The following C12orf56 variants were observed in gnomAD, a reference collection of about 807,000 sequenced individuals.
The protein encoded by C12orf56 is uncharacterized protein C12orf56.
A neutral mutation model predicts 69.9 loss-of-function variants in C12orf56; 71 were observed. The ratio of observed to expected loss-of-function variants is 1.02; its 90% CI spans 0.84 to 1.24. The LOEUF (loss-of-function observed/expected upper bound fraction) is 1.24, where lower values mean the gene tolerates loss of function less well. Ranked by LOEUF, C12orf56 falls within the 50% of genes most tolerant of loss-of-function variation. The pLI is 0.00. For synonymous variants in C12orf56, 276 were observed against 274.1 expected, an observed-to-expected ratio of 1.01 and a Z score of -0.07; for missense variants, 732 against 738.5, an observed-to-expected ratio of 0.99 and a Z score of 0.10.
chr12:64,385,449 T>G (rs1384881594), intron 1 of C12orf56, among the ~76,000 whole-genome samples: 2 of 152,174 alleles, frequency 1.3e-5, no homozygotes, highest in Non-Finnish European at 2.9e-5. Flanking sequence ...GTGACATATG[T>G]CAGGAACTAG....
chr12:64,317,534 CG>C (rs1459758754), intron 4 of C12orf56, among the ~76,000 whole-genome samples: 1 of 151,954 alleles, frequency 6.6e-6, no homozygotes, highest in African/African-American at 2.4e-5. Flanking sequence ...CCGAGGTGGG[CG>C]GATCACCTGA....
At chr12:64,343,431 C>A (rs1293286415) in intron 2 of C12orf56, among the ~76,000 whole-genome samples, 1 of 152,148 alleles carries the variant, frequency 6.6e-6, no homozygotes, top group Non-Finnish European at 1.5e-5. Flanking sequence ...AGTTGCTATA[C>A]CCCTGAGGTA....
chr12:64,271,868 T>G (rs1299312371), intron 11 of C12orf56, among the ~76,000 whole-genome samples: 10 of 152,212 alleles, frequency 6.6e-5, no homozygotes, highest in Admixed American at 6.5e-4. Flanking sequence ...GACATGCAGG[T>G]GCATAGCAAT....
chr12:64,316,175 G>A (rs938530918), intron 4 of C12orf56, among the ~76,000 whole-genome samples: 4 of 151,408 alleles, frequency 2.6e-5, no homozygotes, highest in African/African-American at 9.7e-5. Context: ...GCACAATCTT[G>A]GCTCACTGCA....
chr12:64,306,420 T>A (rs899145741), intron 5 of C12orf56, among the ~76,000 whole-genome samples: 16 of 132,032 alleles, frequency 1.2e-4, no homozygotes, highest in Admixed American at 9.8e-4. Flanking sequence ...GAAGGTTTTG[T>A]TTTTTTTTTT....
At position 64,272,386 on chromosome 12, in the gene C12orf56, T is replaced by A. The variant is rs368180316; in HGVS notation, c.1585-1672A>T. Reference sequence around the variant, plus strand: ...CAGTCGTGGTGGCAGGTGCCTGTAATCCCAGCTACTTGGGAGACTGAGGTA... The same window carrying A: ...CAGTCGTGGTGGCAGGTGCCTGTAAACCCAGCTACTTGGGAGACTGAGGTA... On this transcript the variant is annotated intron_variant, in intron 11 of 12. Coordinates refer to ENST00000543942, the MANE Select transcript of C12orf56 (RefSeq NM_001170633.2). Among the ~76,000 whole-genome samples the A allele has an allele frequency of 2.2e-4, 33 of 151,832 alleles. No homozygotes were observed. The East Asian group carries it at 5.6e-3, about 26-fold the overall frequency.
chr12:64,383,432 A>G (rs947942888), intron 1 of C12orf56, among the ~76,000 whole-genome samples: 4 of 152,122 alleles, frequency 2.6e-5, no homozygotes, highest in Admixed American at 6.5e-5. Flanking sequence ...GCTGGAGTGC[A>G]GTGGCGCGAT....
chr12:64,364,990 A>G (rs1398788872), intron 1 of C12orf56, among the ~76,000 whole-genome samples: 1 of 152,084 alleles, frequency 6.6e-6, no homozygotes. Context: ...TTGTGGCCAG[A>G]TCCTCTCCAG....
At position 64,272,365 on chromosome 12, in the gene C12orf56, C is replaced by T. The variant is rs577520458; in HGVS notation, c.1585-1651G>A. On this transcript the variant is annotated intron_variant, in intron 11 of 12. Coordinates refer to ENST00000543942, the MANE Select transcript of C12orf56 (RefSeq NM_001170633.2). The stretch of plus-strand genomic sequence containing the variant: ...ACTAAAAATACAAAAATTAGCCAGT[C>T]GTGGTGGCAGGTGCCTGTAATCCCA... 1.8e-4 allele frequency among the ~76,000 whole-genome samples: 27 copies of T among 151,632 alleles called. No individual in the cohort carries two copies. In the South Asian group the frequency reaches 5.2e-3, roughly 29 times the overall value.
Position 64,270,651 on chromosome 12 carries a change from G to C in C12orf56, c.1648C>G (p.Leu550Val). The change falls in exon 12 of 13, where the codon CTA becomes GTA. Residue 550 changes from leucine (L) to valine (V), a missense_variant. Transcript: ENST00000543942. The part of the protein sequence containing the change: ...VRGLSASFQL[L>V]SPCQAVLLYQ... ...AACAGAACTGCTTGGCAGGGACTTA[G>C]CAGCTGAAATGAAGCTGAAAGACCC... is the stretch of plus-strand genomic sequence containing the variant. 1 of 1,613,820 alleles carries C rather than the reference G, an allele frequency of 6.2e-7. No homozygotes were observed. The highest frequency in any genetic ancestry group is 8.5e-7 in the Non-Finnish European group (1 of 1,179,830).
At chr12:64,320,306 A>C (rs1440724721) in intron 3 of C12orf56, among the ~76,000 whole-genome samples, 1 of 152,032 alleles carries the variant, frequency 6.6e-6, no homozygotes, top group Non-Finnish European at 1.5e-5. Context: ...GCCTGCCTTC[A>C]TCTTGGGAGC....
intron 1 of C12orf56, chr12:64,355,838 T>C (rs1345413500): frequency 6.6e-6 from 1 of 152,278 alleles, no homozygotes; most frequent in Non-Finnish European, 1.5e-5. Context: ...GAAAACCCAA[T>C]CACCATGCTT....
At chr12:64,367,408 A>G (rs1403457101) in intron 1 of C12orf56, among the ~76,000 whole-genome samples, 2 of 148,680 alleles carry the variant, frequency 1.3e-5, no homozygotes, top group East Asian at 1.9e-4. Context: ...CTAAAATACT[A>G]TGGGTCTAAA....
chr12:64,303,405 T>G (rs1419749620), intron 6 of C12orf56, among the ~76,000 whole-genome samples: 1 of 150,648 alleles, frequency 6.6e-6, no homozygotes, highest in East Asian at 1.9e-4. Context: ...TGGCAGCTAC[T>G]TTTTGCTACC....
Position 64,305,132 on chromosome 12 carries a change from GA to G in C12orf56, c.969-1354del, listed in dbSNP as rs973816249. On this transcript the variant is annotated intron_variant, in intron 5 of 12. Transcript: ENST00000543942. ...TATTAACCTGAAAATTAAGACTTCT[GA>G]AAAAAAAATGGTCTCTTTTCTAGCG... 2.5e-4 allele frequency among the ~76,000 whole-genome samples: 38 copies of G among 149,110 alleles called. No homozygotes were observed. The East Asian group carries it at 3.5e-3, about 14-fold the overall frequency.
At position 64,306,410 on chromosome 12, in the gene C12orf56, G is replaced by A. The variant is rs555091141; in HGVS notation, c.969-2631C>T. ...TAAATTCAGCAAAATAGTGTTGCAG[G>A]AAGGTTTTGTTTTTTTTTTTTTTTT... On this transcript the variant is annotated intron_variant, in intron 5 of 12. Coordinates refer to ENST00000543942, the MANE Select transcript of C12orf56 (RefSeq NM_001170633.2). 7.5e-3 allele frequency among the ~76,000 whole-genome samples: 1,137 copies of A among 151,062 alleles called. 22 individuals are homozygous for A. The highest frequency in any genetic ancestry group is 0.027 in the African/African-American group (1,093 of 41,180).
chr12:64,328,716 T>A (rs2038884889), intron 3 of C12orf56, among the ~76,000 whole-genome samples: 5 of 7,222 alleles, frequency 6.9e-4, no homozygotes, highest in Admixed American at 2.5e-3. Flanking sequence ...AATATATATA[T>A]ATATATATAT....
chr12:64,287,261 A>AAAGAAGAAG (rs1170967895), intron 6 of C12orf56, among the ~76,000 whole-genome samples: 4 of 67,596 alleles, frequency 5.9e-5, no homozygotes, highest in Admixed American at 1.9e-4. Context: ...AAAAAAAAAA[A>AAAGAAGAAG]AAGAAGAAGA....
intron 6 of C12orf56, among the ~76,000 whole-genome samples, chr12:64,296,631 TA>T (rs2038368045): frequency 6.6e-6 from 1 of 152,200 alleles, no homozygotes; most frequent in Admixed American, 6.5e-5. Flanking sequence ...TGGGATGGAA[TA>T]AATGTATTTT....
Sources: gnomAD v4.1 joint callset for allele counts (sites outside exome capture counted in the v4.1 genomes callset) on GRCh38, gnomAD v4.1.1 for gene constraint, MANE v1.5 for transcripts, NCBI Gene and HGNC (gene_info 2026-07-23, HGNC 2026-07-21) for gene names.